The following PCDHGA4 variants were observed in gnomAD, a reference collection of about 807,000 sequenced individuals.
The protein encoded by PCDHGA4 is protocadherin gamma-A4.
In PCDHGA4, 38 loss-of-function variants were observed where a neutral mutation model predicts 54.6. The ratio of observed to expected loss-of-function variants is 0.70; its 90% CI spans 0.54 to 0.91. PCDHGA4 has a LOEUF of 0.91. PCDHGA4 is among the 40% of genes least tolerant of loss of function. The pLI, the probability that PCDHGA4 is intolerant of heterozygous loss-of-function variation, is 0.00. For missense variants in PCDHGA4, 1,298 were observed against 1,220.9 expected, an observed-to-expected ratio of 1.06 and a Z score of -0.94; for synonymous variants, 511 against 512.9, an observed-to-expected ratio of 1.00 and a Z score of 0.05.
intron 1 of PCDHGA4, chr5:141,478,920 CCAGTGG>C: frequency 2.7e-6 from 2 of 728,392 alleles, no homozygotes; most frequent in South Asian, 4.5e-5. Flanking sequence ...ATACCTCTAA[CCAGTGG>C]CAGCTTCTAG....
In PCDHGA4 at chr5:141,510,834, G is replaced by A. The variant is rs1043468083; in HGVS notation, c.2663-113G>A. 49 of 1,581,762 alleles carry A rather than the reference G, an allele frequency of 3.1e-5. 1 individual carries two copies. The highest frequency in any genetic ancestry group is 4.0e-5 in the Non-Finnish European group (46 of 1,161,670). On this transcript the variant is annotated intron_variant, in intron 3 of 3. Coordinates refer to ENST00000571252, the MANE Select transcript of PCDHGA4 (RefSeq NM_018917.4). ...GACCCCTATATTCCCAGTGCTCAGC[G>A]TGGTCAAGGCCCAGGGTGCTGTATA...
At chr5:141,368,396 C>T (rs1039446305) in intron 1 of PCDHGA4, among the ~76,000 whole-genome samples, 12 of 152,102 alleles carry the variant, frequency 7.9e-5, no homozygotes, top group African/African-American at 2.9e-4. Flanking sequence ...CACACACAAA[C>T]ACACATACAT....
At chr5:141,470,723 G>T (rs1326927605) in intron 1 of PCDHGA4, among the ~76,000 whole-genome samples, 1 of 151,852 alleles carries the variant, frequency 6.6e-6, no homozygotes, top group East Asian at 1.9e-4. Flanking sequence ...TTTGAGTCAG[G>T]GTCTTGCTCT....
intron 1 of PCDHGA4, chr5:141,413,826 C>G (rs1363449): frequency 6.2e-7 from 1 of 1,613,180 alleles, no homozygotes; most frequent in Non-Finnish European, 8.5e-7. Flanking sequence ...TGGTCCTCAC[C>G]GCCTCCGACG....
intron 1 of PCDHGA4, chr5:141,418,002 G>A: frequency 1.9e-6 from 3 of 1,613,916 alleles, no homozygotes; most frequent in Non-Finnish European, 2.5e-6. Flanking sequence ...TCGGTGGTGG[G>A]GAACCTCGCT....
intron 1 of PCDHGA4, among the ~76,000 whole-genome samples, chr5:141,407,130 T>C (rs1218017139): frequency 1.3e-5 from 2 of 152,230 alleles, no homozygotes; most frequent in Non-Finnish European, 2.9e-5. Flanking sequence ...TTGCTTTATT[T>C]TTAAGAAAAA....
chr5:141,506,435 G>A (rs1470687416), intron 3 of PCDHGA4, among the ~76,000 whole-genome samples: 7 of 126,234 alleles, frequency 5.5e-5, no homozygotes, highest in African/African-American at 2.0e-4. Context: ...CAACAGTCTC[G>A]CTCTGTCTCA....
chr5:141,474,597 T>C (rs1454833258), intron 1 of PCDHGA4, among the ~76,000 whole-genome samples: 2 of 152,248 alleles, frequency 1.3e-5, no homozygotes, highest in Non-Finnish European at 2.9e-5. Flanking sequence ...CATGGAAATA[T>C]AGGTCACATA....
chr5:141,436,713 G>T (rs2097842329), intron 1 of PCDHGA4, among the ~76,000 whole-genome samples: 1 of 152,190 alleles, frequency 6.6e-6, no homozygotes, highest in Non-Finnish European at 1.5e-5. Context: ...TCGATGTTCT[G>T]TTGGGAAAAA....
At chr5:141,445,844 A>T (rs979756627) in intron 1 of PCDHGA4, among the ~76,000 whole-genome samples, 3 of 152,216 alleles carry the variant, frequency 2.0e-5, no homozygotes, top group Admixed American at 1.3e-4. Context: ...TGTAAATCAC[A>T]CTTAAAATTC....
rs909255357 is a variant in PCDHGA4 at position 141,489,178 on chromosome 5, C to A, written c.2515-5629C>A. 5 of 1,234,744 alleles carry A rather than the reference C, an allele frequency of 4.0e-6. No individual in the cohort carries two copies. The highest frequency in any genetic ancestry group is 2.3e-5 in the Admixed American group (1 of 42,922). The allele number at this position is 1,234,744 out of a possible 1,614,324, so 76.5% of individuals were successfully genotyped here. Reference sequence around the variant, plus strand: ...GAGACTTCAGCTGCTGCATTCCAAGCCCTGGGTCTACCTTGGAGACAGGAC... The same window carrying A: ...GAGACTTCAGCTGCTGCATTCCAAGACCTGGGTCTACCTTGGAGACAGGAC... On this transcript the variant is annotated intron_variant, in intron 1 of 3. Transcript: ENST00000571252. This position sits in a 1 kb window ranked among gnomAD's most constrained non-coding sequence, Gnocchi z 4.5.
In PCDHGA4 at chr5:141,355,162, G is replaced by A. The variant is rs1759735186; in HGVS notation, c.55G>A (p.Gly19Arg). The A allele has an allele frequency of 6.4e-7, 1 of 1,562,626 alleles. No individual in the cohort carries two copies. Among genetic ancestry groups the A allele is most frequent in the African/African-American group, 1.4e-5 (1 of 73,410 alleles). Residue 19 changes from glycine to arginine, a missense_variant, in exon 1 of 4, where the codon GGA becomes AGA. Gly to Arg is a moderately radical substitution (Grantham distance 125, BLOSUM62 -2). Transcript: ENST00000571252. Reference protein sequence around the residue: ...DPGAPQASTEGKPKHRRLRGG... With the variant: ...DPGAPQASTERKPKHRRLRGG... ...TGGGGCTCCTCAGGCCTCGACAGAG[G>A]GAAAACCGAAGCACAGGCGACTCCG...
rs754836894 is a variant in PCDHGA4 at position 141,432,969 on chromosome 5, C to G, written c.2515-61838C>G. ...GGAGGCGGCTTGACAGGAGCGCCGG[C>G]GTCGCACTTTGTGGGCGTGGACGGG... On this transcript the variant is annotated intron_variant, in intron 1 of 3. Coordinates refer to ENST00000571252, the MANE Select transcript of PCDHGA4 (RefSeq NM_018917.4). The surrounding 1 kb of genome is among the most constrained non-coding windows in gnomAD (Gnocchi z 6.0). 5.0e-6 allele frequency: 8 copies of G among 1,614,030 alleles called. No homozygotes were observed. In the Admixed American group the frequency reaches 5.0e-5, roughly 10 times the overall value.
intron 1 of PCDHGA4, among the ~76,000 whole-genome samples, chr5:141,482,530 CAAAA>C (rs3074545): frequency 9.1e-5 from 7 of 76,540 alleles, no homozygotes; most frequent in South Asian, 4.6e-4. Flanking sequence ...GACAGACATG[CAAAA>C]AAAAAAAAAA....
chr5:141,386,359 C>T (rs566341507), intron 1 of PCDHGA4, among the ~76,000 whole-genome samples: 1 of 152,132 alleles, frequency 6.6e-6, no homozygotes, highest in Non-Finnish European at 1.5e-5. Flanking sequence ...AATCTTGATT[C>T]CAGAGACCTT....
chr5:141,441,179 C>G (rs150511376), intron 1 of PCDHGA4: 13 of 152,210 alleles, frequency 8.5e-5, no homozygotes, highest in South Asian at 2.1e-4. Context: ...ACTTCTAATT[C>G]CACAATGATT....
chr5:141,466,068 G>C (rs1278308918), intron 1 of PCDHGA4, among the ~76,000 whole-genome samples: 4 of 152,080 alleles, frequency 2.6e-5, no homozygotes, highest in Admixed American at 2.6e-4. Flanking sequence ...CTTGCAGTGA[G>C]CTGATATCAT....
At chr5:141,377,829 C>T (rs970459356) in intron 1 of PCDHGA4, 2 of 152,110 alleles carry the variant, frequency 1.3e-5, no homozygotes, top group South Asian at 2.1e-4. Context: ...CAGTTACAAT[C>T]GCCATTATCT....
rs1763342277 is a variant in PCDHGA4, at chr5:141,364,464, T to C, written c.2514+6843T>C. 1.2e-6 allele frequency: 2 copies of C among 1,613,996 alleles called. No individual in the cohort carries two copies. The highest frequency in any genetic ancestry group is 1.3e-5 in the African/African-American group (1 of 75,072). On this transcript the variant is annotated intron_variant, in intron 1 of 3. Transcript: ENST00000571252. The stretch of plus-strand genomic sequence containing the variant: ...GAGGAGCTGGACAAAGGCTCCTTCG[T>C]CGGCAACATAGCCAAGGACCTTGGG...
Sources: gnomAD v4.1 joint callset for allele counts (sites outside exome capture counted in the v4.1 genomes callset) on GRCh38, gnomAD v4.1.1 for gene constraint, Gnocchi (gnomAD v3.1) non-coding constraint, MANE v1.5 for transcripts, NCBI Gene and HGNC (gene_info 2026-07-23, HGNC 2026-07-21) for gene names.